Variants in PTGER4 observed in about 807,000 individuals in gnomAD.
The protein encoded by PTGER4 is prostaglandin E receptor 4.
PTGER4 carries 11 observed loss-of-function variants against 33.2 expected under a neutral mutation model. The ratio of observed to expected loss-of-function variants is 0.33; its 90% CI spans 0.21 to 0.55. The LOEUF (loss-of-function observed/expected upper bound fraction) is 0.55, where lower values mean the gene tolerates loss of function less well. Among genes scored for constraint, PTGER4 ranks in the 20% least tolerant of loss-of-function variants. PTGER4 has a pLI of 0.92. For synonymous variants in PTGER4, 275 were observed against 281.5 expected (o/e 0.98, Z 0.23); for missense variants, 481 against 650.2 (o/e 0.74, Z 2.83).
chr5:40,698,121 C>CAAAAAAAAAAAAA (rs1339691632), downstream of PTGER4, among the ~76,000 whole-genome samples: 1 of 30,490 alleles, frequency 3.3e-5, no homozygotes, highest in Non-Finnish European at 7.6e-5. Context: ...AAAAAAAAAC[C>CAAAAAAAAAAAAA]ATGAAAAATT....
At chr5:40,697,243 AAAG>A (rs1741627877), downstream of PTGER4, among the ~76,000 whole-genome samples, 4 of 49,660 alleles carry the variant, frequency 8.1e-5, no homozygotes, top group African/African-American at 2.2e-4. Context: ...AGAAAGAAAG[AAAG>A]AAAGAAAGAA....
At chr5:40,741,246 G>A in the PTGER4 span, among the ~76,000 whole-genome samples, 1 of 152,180 alleles carries the variant, frequency 6.6e-6, no homozygotes, top group Non-Finnish European at 1.5e-5. Context: ...TATTTTTAAA[G>A]GTTTTCTAGG....
At chr5:40,745,837 C>T in the PTGER4 span, among the ~76,000 whole-genome samples, 1 of 151,978 alleles carries the variant, frequency 6.6e-6, no homozygotes, top group Admixed American at 6.6e-5. Flanking sequence ...TGGGCTCAAG[C>T]GATCCTCCCA....
the PTGER4 span, among the ~76,000 whole-genome samples, chr5:40,733,316 T>C: frequency 3.9e-5 from 6 of 152,160 alleles, no homozygotes; most frequent in Non-Finnish European, 5.9e-5. Flanking sequence ...AAGGTCCATA[T>C]AGTAAACATT....
chr5:40,681,071 G>A lies in PTGER4; in HGVS notation c.78G>A (p.Val26=), dbSNP rs141430763. ...ACAGCCCAGTGACCATCCCGGCGGT[G>A]ATGTTCATCTTCGGGGTGGTGGGCA... ...RLNSPVTIPA[V]MFIFGVVGNL... The change falls in exon 2 of 3, where the codon GTG becomes GTA. Residue 26 remains valine (V), a synonymous_variant. Coordinates refer to ENST00000302472, the MANE Select transcript of PTGER4 (RefSeq NM_000958.3). The surrounding 1 kb of genome is among the most constrained non-coding windows in gnomAD (Gnocchi z 9.8). 9 of 1,613,974 alleles carry A rather than the reference G, an allele frequency of 5.6e-6. No individual in the cohort carries two copies. The highest frequency in any genetic ancestry group is 7.6e-6 in the Non-Finnish European group (9 of 1,180,038).
the PTGER4 span, among the ~76,000 whole-genome samples, chr5:40,718,062 CA>C: frequency 9.6e-4 from 127 of 132,526 alleles, no homozygotes; most frequent in East Asian, 2.2e-3. Flanking sequence ...AACTCCGTCT[CA>C]AAAAAAAAAA....
chr5:40,708,520 T>G, the PTGER4 span, among the ~76,000 whole-genome samples: 8 of 152,296 alleles, frequency 5.3e-5, no homozygotes, highest in African/African-American at 1.9e-4. Flanking sequence ...TAACAGGCTC[T>G]GAAATTGAGG....
the PTGER4 span, among the ~76,000 whole-genome samples, chr5:40,727,397 A>C: frequency 6.6e-6 from 1 of 152,234 alleles, no homozygotes; most frequent in African/African-American, 2.4e-5. Context: ...TAGCCCTGCC[A>C]AAAGAAAAAC....
the PTGER4 span, among the ~76,000 whole-genome samples, chr5:40,707,726 A>T: frequency 2.0e-5 from 3 of 152,190 alleles, no homozygotes; most frequent in Admixed American, 6.5e-5. Context: ...AACAGAATAC[A>T]CATTATTCTC....
intron 2 of PTGER4, among the ~76,000 whole-genome samples, chr5:40,685,033 G>T (rs1741292134): frequency 6.6e-6 from 1 of 152,124 alleles, no homozygotes; most frequent in African/African-American, 2.4e-5. Context: ...ATATTAAGAT[G>T]ATTATTATAA....
chr5:40,714,810 G>C, the PTGER4 span: 1 of 152,116 alleles, frequency 6.6e-6, no homozygotes, highest in African/African-American at 2.4e-5. Flanking sequence ...TTACTTATAA[G>C]CTCCAACAGT....
At chr5:40,689,802 G>C (rs1741424176) in intron 2 of PTGER4, among the ~76,000 whole-genome samples, 1 of 152,028 alleles carries the variant, frequency 6.6e-6, no homozygotes, top group Admixed American at 6.6e-5. Flanking sequence ...TATCTTCCTT[G>C]ACTGTGAGAC....
At position 40,681,423 on chromosome 5, in the gene PTGER4, T is replaced by C. The variant is rs1330746701; in HGVS notation, c.430T>C (p.Tyr144His). 1.9e-6 allele frequency: 3 copies of C among 1,613,862 alleles called. No individual in the cohort carries two copies. The highest frequency in any genetic ancestry group is 2.5e-6 in the Non-Finnish European group (3 of 1,180,044). Reference protein sequence around the residue: ...RLAGLTLFAVYASNVLFCALP... With the variant: ...RLAGLTLFAVHASNVLFCALP... ...GGCGGGCCTCACGCTCTTTGCAGTC[T>C]ATGCGTCCAACGTGCTCTTTTGCGC... The change falls in exon 2 of 3, where the codon TAT becomes CAT. Residue 144 changes from tyrosine to histidine, a missense_variant. By Grantham distance (83) the Tyr-to-His change is moderately conservative. Around this residue, in one of 7 missense-constraint regions of PTGER4, gnomAD observed 43 missense variants for 39.4 expected, o/e 1.09. Coordinates refer to ENST00000302472, the MANE Select transcript of PTGER4 (RefSeq NM_000958.3). The surrounding 1 kb of genome is among the most constrained non-coding windows in gnomAD (Gnocchi z 9.8).
chr5:40,730,391 T>A, the PTGER4 span: 7 of 1,528,652 alleles, frequency 4.6e-6, no homozygotes, highest in Non-Finnish European at 6.3e-6. Context: ...ATATGCTTTT[T>A]TGGACTTTCA....
the PTGER4 span, among the ~76,000 whole-genome samples, chr5:40,708,768 A>T: frequency 5.3e-5 from 8 of 152,346 alleles, no homozygotes; most frequent in South Asian, 1.2e-3. Context: ...ATGAACATCG[A>T]TGCAAAAATC....
At chr5:40,728,164 G>C in the PTGER4 span, among the ~76,000 whole-genome samples, 14 of 150,242 alleles carry the variant, frequency 9.3e-5, no homozygotes, top group Non-Finnish European at 1.8e-4. Context: ...CATGCCTATA[G>C]TCCCAGCTAC....
At chr5:40,737,045 C>T in the PTGER4 span, among the ~76,000 whole-genome samples, 1 of 152,134 alleles carries the variant, frequency 6.6e-6, no homozygotes, top group South Asian at 2.1e-4. Flanking sequence ...CCTGTAATCC[C>T]AGCACTTTGG....
the PTGER4 span, among the ~76,000 whole-genome samples, chr5:40,707,283 C>T: frequency 6.6e-6 from 1 of 152,200 alleles, no homozygotes; most frequent in East Asian, 1.9e-4. Context: ...ATTCAGGAAA[C>T]CCATTTCACG....
At chr5:40,745,728 A>G in the PTGER4 span, among the ~76,000 whole-genome samples, 2 of 150,818 alleles carry the variant, frequency 1.3e-5, no homozygotes, top group Non-Finnish European at 2.9e-5. Flanking sequence ...TACTAGATAT[A>G]CGATTTATTT....
Sources: gnomAD v4.1 joint callset for allele counts (sites outside exome capture counted in the v4.1 genomes callset) on GRCh38, gnomAD v4.1.1 for gene constraint, gnomAD v4.1.1 regional missense constraint, Gnocchi (gnomAD v3.1) non-coding constraint, MANE v1.5 for transcripts, NCBI Gene and HGNC (gene_info 2026-07-23, HGNC 2026-07-21) for gene names.